CAST: variants seen among roughly 807,000 people sequenced by gnomAD.
The protein encoded by CAST is calpastatin.
A neutral mutation model predicts 119.6 loss-of-function variants in CAST; 76 were observed. The observed-to-expected ratio is 0.64, with a 90% CI of 0.53 to 0.77. The LOEUF is 0.77. CAST is among the 30% of genes least tolerant of loss of function. The pLI is 0.00. For synonymous variants in CAST, 319 were observed against 331.6 expected (o/e 0.96, Z 0.41); for missense variants, 953 against 946.5 (o/e 1.01, Z -0.09).
At chr5:96,583,664 G>A (rs745713496) in intron 1 of CAST, among the ~76,000 whole-genome samples, 19 of 152,198 alleles carry the variant, frequency 1.2e-4, no homozygotes, top group Non-Finnish European at 2.4e-4. Context: ...TATTATTTTC[G>A]TACAACTTTT....
the CAST span, among the ~76,000 whole-genome samples, chr5:96,304,242 G>A: frequency 3.9e-5 from 6 of 152,196 alleles, no homozygotes; most frequent in African/African-American, 7.2e-5. Flanking sequence ...CCACATAAAC[G>A]TCTTCTTTTG....
chr5:96,036,931 C>T, the CAST span, among the ~76,000 whole-genome samples: 33 of 152,154 alleles, frequency 2.2e-4, no homozygotes, highest in African/African-American at 7.5e-4. Context: ...GCAAACTGTT[C>T]TCAATGATAG....
the CAST span, among the ~76,000 whole-genome samples, chr5:96,475,545 A>G: frequency 1.3e-5 from 2 of 152,214 alleles, no homozygotes; most frequent in Admixed American, 1.3e-4. Flanking sequence ...AGAAAATTGC[A>G]AAACAGGCCA....
At chr5:96,348,096 A>T in the CAST span, among the ~76,000 whole-genome samples, 1 of 152,188 alleles carries the variant, frequency 6.6e-6, no homozygotes, top group African/African-American at 2.4e-5. Context: ...TAAGCTGAAA[A>T]GTTCAAATGC....
At chr5:96,384,939 C>T in the CAST span, among the ~76,000 whole-genome samples, 1 of 152,114 alleles carries the variant, frequency 6.6e-6, no homozygotes, top group Non-Finnish European at 1.5e-5. Flanking sequence ...CTTGGGCATC[C>T]TTTTTAAACA....
chr5:96,129,352 G>A, the CAST span, among the ~76,000 whole-genome samples: 3 of 152,098 alleles, frequency 2.0e-5, no homozygotes, highest in African/African-American at 7.2e-5. Context: ...GAGAAGGCTA[G>A]GCTTGAGTGG....
chr5:96,490,980 C>T, the CAST span, among the ~76,000 whole-genome samples: 1 of 152,176 alleles, frequency 6.6e-6, no homozygotes, highest in Middle Eastern at 3.4e-3. Flanking sequence ...ACACAAATGT[C>T]TGACAAATGG....
chr5:96,357,895 A>C, the CAST span, among the ~76,000 whole-genome samples: 4 of 152,220 alleles, frequency 2.6e-5, no homozygotes, highest in African/African-American at 4.8e-5. Context: ...GAATAGTTCC[A>C]GAAGGAATGG....
the CAST span, among the ~76,000 whole-genome samples, chr5:96,209,419 C>T: frequency 2.6e-5 from 4 of 151,884 alleles, no homozygotes; most frequent in Admixed American, 2.6e-4. Flanking sequence ...TGTCAATGGT[C>T]TATGAAATTA....
the CAST span, among the ~76,000 whole-genome samples, chr5:96,320,384 C>T: frequency 6.6e-6 from 1 of 151,818 alleles, no homozygotes; most frequent in African/African-American, 2.4e-5. Flanking sequence ...ATTATAGGCG[C>T]CTGCCACCAC....
the CAST span, among the ~76,000 whole-genome samples, chr5:96,265,750 T>C: frequency 2.0e-5 from 3 of 152,174 alleles, no homozygotes; most frequent in Non-Finnish European, 4.4e-5. Flanking sequence ...ACCATTCCAG[T>C]GTAGTACACA....
chr5:96,142,871 G>A, the CAST span, among the ~76,000 whole-genome samples: 2 of 152,086 alleles, frequency 1.3e-5, no homozygotes, highest in African/African-American at 4.8e-5. Flanking sequence ...TTAGCTCTTG[G>A]TGTTTGCTAG....
intron 9 of CAST, among the ~76,000 whole-genome samples, chr5:96,734,641 C>T (rs901426200): frequency 6.6e-6 from 1 of 152,052 alleles, no homozygotes; most frequent in African/African-American, 2.4e-5. Flanking sequence ...AAAGGAGGCC[C>T]CTAAGGTGCT....
chr5:96,559,837 A>G (rs937759621), intron 1 of CAST, among the ~76,000 whole-genome samples: 10 of 152,234 alleles, frequency 6.6e-5, no homozygotes, highest in African/African-American at 2.4e-4. Context: ...CTTTCTTCAC[A>G]GAATTGGAAA....
the CAST span, among the ~76,000 whole-genome samples, chr5:96,351,241 T>C: frequency 2.6e-3 from 403 of 152,308 alleles, no homozygotes; most frequent in African/African-American, 9.4e-3. Context: ...TGTTTACTAA[T>C]ATTCAGTGCC....
chr5:96,104,640 T>C, the CAST span, among the ~76,000 whole-genome samples: 15 of 151,664 alleles, frequency 9.9e-5, no homozygotes, highest in African/African-American at 3.6e-4. Flanking sequence ...TACTGTAGCC[T>C]TGTAGTATAG....
chr5:96,598,424 A>G lies in CAST; in HGVS notation c.60+68544A>G, dbSNP rs1263862087. Among the ~76,000 whole-genome samples, 155 of 152,194 alleles carry G rather than the reference A, an allele frequency of 1.0e-3. 2 individuals carry two copies. The highest frequency in any genetic ancestry group is 1.5e-4 in the Non-Finnish European group (10 of 68,010). ...ATCCCACCCATCCAAGCACTGGGGA[A>G]AACTGGCTCCCCTCTCAGCTGCCCT... On this transcript the variant is annotated intron_variant, in intron 1 of 11. Transcript: ENST00000505143.
chr5:96,698,920 G>A (rs1310119896), intron 3 of CAST, among the ~76,000 whole-genome samples: 1 of 152,168 alleles, frequency 6.6e-6, no homozygotes, highest in East Asian at 1.9e-4. Context: ...TGTAAGCTAT[G>A]TATTAGAGAA....
At chr5:96,481,881 G>T in the CAST span, among the ~76,000 whole-genome samples, 5 of 152,082 alleles carry the variant, frequency 3.3e-5, no homozygotes, top group Middle Eastern at 3.2e-3. Context: ...CCAATAAAAA[G>T]TAATAATCAC....
Sources: allele counts gnomAD v4.1 joint callset (sites outside exome capture counted in the v4.1 genomes callset), GRCh38; gene constraint gnomAD v4.1.1; transcripts MANE v1.5; gene names NCBI Gene and HGNC (gene_info 2026-07-23, HGNC 2026-07-21).